Variants in TPD52 observed in about 807,000 individuals in gnomAD.
The protein encoded by TPD52 is prostate and colon associated protein.
Under a neutral mutation model 31.3 loss-of-function variants are expected in TPD52, and 17 were observed. The observed-to-expected ratio is 0.54, with a 90% CI of 0.37 to 0.82. TPD52 has a LOEUF of 0.82. TPD52 is among the 40% of genes least tolerant of loss of function. The pLI is 0.00. For synonymous variants in TPD52, 83 were observed against 89.6 expected (o/e 0.93, Z 0.42); for missense variants, 212 against 240.1 (o/e 0.88, Z 0.77).
intron 1 of TPD52, among the ~76,000 whole-genome samples, chr8:80,164,033 A>T (rs539049108): frequency 0.041 from 5,968 of 145,690 alleles, 395 homozygotes; most frequent in African/African-American, 0.14. Context: ...ACAGAGAGAG[A>T]GAGAGAGAGA....
intron 1 of TPD52, among the ~76,000 whole-genome samples, chr8:80,141,262 G>T (rs150477326): frequency 2.0e-5 from 3 of 152,212 alleles, no homozygotes; most frequent in Non-Finnish European, 4.4e-5. Flanking sequence ...TCATTACCCA[G>T]TGGGTCATCT....
chr8:80,046,090 G>C (rs148477278), intron 5 of TPD52, among the ~76,000 whole-genome samples: 20 of 152,030 alleles, frequency 1.3e-4, no homozygotes, highest in African/African-American at 4.1e-4. Context: ...GCAGTGGATC[G>C]GTTGGGCTCT....
chr8:80,102,677 A>G (rs545762444), intron 1 of TPD52, among the ~76,000 whole-genome samples: 1 of 152,206 alleles, frequency 6.6e-6, no homozygotes, highest in Non-Finnish European at 1.5e-5. Context: ...TGGAATCTCC[A>G]GAGTGATCAG....
At chr8:80,151,040 C>T (rs1020255918) in intron 1 of TPD52, among the ~76,000 whole-genome samples, 4 of 152,090 alleles carry the variant, frequency 2.6e-5, no homozygotes, top group East Asian at 1.9e-4. Context: ...TCCCATGTGT[C>T]GTGGGAGGGA....
chr8:80,155,956 T>C (rs1205555015), intron 1 of TPD52, among the ~76,000 whole-genome samples: 2 of 152,092 alleles, frequency 1.3e-5, no homozygotes, highest in East Asian at 1.9e-4. Flanking sequence ...GATGATGCAT[T>C]TGTTTGGGGG....
At chr8:80,138,634 C>T (rs1809606766) in intron 1 of TPD52, among the ~76,000 whole-genome samples, 1 of 152,190 alleles carries the variant, frequency 6.6e-6, no homozygotes, top group Non-Finnish European at 1.5e-5. Flanking sequence ...ACCACACTCT[C>T]AAATGTTGTA....
chr8:80,077,893 T>C (rs1814774553), intron 1 of TPD52, among the ~76,000 whole-genome samples: 1 of 152,256 alleles, frequency 6.6e-6, no homozygotes, highest in Non-Finnish European at 1.5e-5. Context: ...TTTCACACTA[T>C]GGGTTGTAAA....
intron 1 of TPD52, among the ~76,000 whole-genome samples, chr8:80,135,286 G>GAT (rs1401252024): frequency 2.6e-5 from 4 of 152,158 alleles, no homozygotes; most frequent in African/African-American, 9.6e-5. Context: ...TATTATTTTT[G>GAT]ATAGAGAAAA....
At chr8:80,138,731 T>C (rs1035030252) in intron 1 of TPD52, among the ~76,000 whole-genome samples, 2 of 152,228 alleles carry the variant, frequency 1.3e-5, no homozygotes, top group East Asian at 1.9e-4. Flanking sequence ...CTAATTGAGC[T>C]CTTCACCTCG....
chr8:80,031,925 G>T (rs187000304), downstream of TPD52, among the ~76,000 whole-genome samples: 51 of 152,174 alleles, frequency 3.4e-4, 1 homozygote, highest in African/African-American at 1.2e-3. Context: ...GGCCAAGGAG[G>T]GCAGATCACC....
chr8:80,141,248 T>C (rs140569780), intron 1 of TPD52, among the ~76,000 whole-genome samples: 3 of 152,298 alleles, frequency 2.0e-5, no homozygotes, highest in Non-Finnish European at 4.4e-5. Flanking sequence ...GTACCTTTCC[T>C]TACTCATTAC....
chr8:80,072,798 C>T (rs111521590), intron 1 of TPD52, among the ~76,000 whole-genome samples: 9,345 of 140,854 alleles, frequency 0.066, 950 homozygotes, highest in African/African-American at 0.2. Context: ...CACACACACA[C>T]ATATATATAT....
intron 2 of TPD52, among the ~76,000 whole-genome samples, chr8:80,063,920 AGGGAGG>A (rs1306754285): frequency 2.5e-5 from 2 of 81,542 alleles, no homozygotes; most frequent in Admixed American, 1.7e-4. Flanking sequence ...TGGCAGAGGG[AGGGAGG>A]GGGAGGGGGG....
intron 1 of TPD52, among the ~76,000 whole-genome samples, chr8:80,143,412 G>A (rs112752084): frequency 0.014 from 2,099 of 152,250 alleles, 23 homozygotes; most frequent in Middle Eastern, 0.02. Flanking sequence ...ATAGACTTAC[G>A]TATAACCCCA....
intron 2 of TPD52, 22 bp from the exon 3 acceptor site, chr8:80,053,452 T>C: frequency 6.2e-7 from 1 of 1,609,348 alleles, no homozygotes; most frequent in Non-Finnish European, 8.5e-7. Context: ...GGGTTTGGGG[T>C]AAGAATATAG....
At chr8:80,129,482 G>A (rs542078323) in intron 1 of TPD52, among the ~76,000 whole-genome samples, 2 of 152,180 alleles carry the variant, frequency 1.3e-5, no homozygotes, top group South Asian at 2.1e-4. Flanking sequence ...AATGCTGGCC[G>A]GATAGCAACG....
At chr8:80,106,181 A>G (rs1367841342) in intron 1 of TPD52, among the ~76,000 whole-genome samples, 1 of 152,188 alleles carries the variant, frequency 6.6e-6, no homozygotes, top group African/African-American at 2.4e-5. Context: ...CATGCAATGC[A>G]TAATAATCAC....
intron 1 of TPD52, among the ~76,000 whole-genome samples, chr8:80,119,148 G>C (rs1808070446): frequency 6.6e-6 from 1 of 152,160 alleles, no homozygotes; most frequent in African/African-American, 2.4e-5. Context: ...CATGTGACGT[G>C]AAAGAAGCCA....
chr8:80,092,071 TATG>T (rs1432104992), intron 1 of TPD52, among the ~76,000 whole-genome samples: 2 of 152,220 alleles, frequency 1.3e-5, no homozygotes, highest in Non-Finnish European at 2.9e-5. Context: ...GGGGCACAAA[TATG>T]ATACTCTATC....
Sources: allele counts gnomAD v4.1 joint callset (sites outside exome capture counted in the v4.1 genomes callset), GRCh38; gene constraint gnomAD v4.1.1; transcripts MANE v1.5; gene names NCBI Gene and HGNC (gene_info 2026-07-23, HGNC 2026-07-21).